The following RUBCNL variants were observed in gnomAD, a reference collection of about 807,000 sequenced individuals.
The protein encoded by RUBCNL is rubicon like autophagy enhancer.
RUBCNL carries 62 observed loss-of-function variants against 69.5 expected under a neutral mutation model. The ratio of observed to expected loss-of-function variants is 0.89; its 90% CI spans 0.73 to 1.10. The LOEUF (loss-of-function observed/expected upper bound fraction) is 1.10, where lower values mean the gene tolerates loss of function less well. RUBCNL is among the 50% of genes least tolerant of loss of function. RUBCNL has a pLI of 0.00. For missense variants in RUBCNL, 768 were observed against 798.1 expected (o/e 0.96, Z 0.45); for synonymous variants, 291 against 303.6 (o/e 0.96, Z 0.43).
intron 14 of RUBCNL, 118 bp downstream of exon 14, chr13:46,344,623 A>G (rs2048204690): frequency 1.4e-6 from 1 of 700,126 alleles, no homozygotes; most frequent in African/African-American, 1.8e-5. Flanking sequence ...TACTTTAAAT[A>G]ACTGTGCTTA....
In RUBCNL at chr13:46,344,974, T is replaced by G. The variant is rs556173190; in HGVS notation, c.1786-143A>C. 3,211 of 622,816 alleles carry G rather than the reference T, an allele frequency of 5.2e-3. 15 individuals are homozygous for G. The highest frequency in any genetic ancestry group is 8.0e-3 in the Non-Finnish European group (2,821 of 353,910). The allele number at this position is 622,816 out of a possible 1,614,324, so 38.6% of individuals were successfully genotyped here. A position where few individuals can be genotyped will look rare whatever the true frequency, so the allele number is the denominator to read the frequency against. ...GGAAAAGGATGTTGTTTTGCAGCAA[T>G]GAATGGGTCAGAATCAAAAAAAAGA... On this transcript the variant is annotated intron_variant, in intron 13 of 14. Coordinates refer to ENST00000429979, the MANE Select transcript of RUBCNL (RefSeq NM_025113.5).
chr13:46,372,060 G>T lies in RUBCNL; in HGVS notation c.416C>A (p.Pro139Gln). Residue 139 changes from proline to glutamine, a missense_variant, in exon 3 of 15, where the codon CCA (proline) becomes CAA (glutamine). By Grantham distance (76) the Pro-to-Gln change is moderately conservative. Coordinates refer to ENST00000429979, the MANE Select transcript of RUBCNL (RefSeq NM_025113.5). ...LSSTEVHMVRPGYSHRVSLPT... is the reference protein window; with the variant it reads ...LSSTEVHMVRQGYSHRVSLPT... The stretch of plus-strand genomic sequence containing the variant: ...CAGAGACACCCGATGAGAGTATCCT[G>T]GGCGGACCATGTGTACCTCTGTTGA... 1 of 1,613,996 alleles carries T rather than the reference G, an allele frequency of 6.2e-7. No homozygotes were observed. Among genetic ancestry groups the T allele is most frequent in the Non-Finnish European group, 8.5e-7 (1 of 1,179,892 alleles).
chr13:46,389,551 T>A (rs1264756334), upstream of RUBCNL, among the ~76,000 whole-genome samples: 1 of 152,196 alleles, frequency 6.6e-6, no homozygotes, highest in Non-Finnish European at 1.5e-5. The surrounding 1 kb of genome is among the most constrained non-coding windows in gnomAD (Gnocchi z 4.2). Context: ...GAGATTAGGA[T>A]ATTTTGGACC....
Position 46,358,136 on chromosome 13 carries a change from C to T in RUBCNL, c.1265+1350G>A, listed in dbSNP as rs577414294. 5.6e-4 allele frequency among the ~76,000 whole-genome samples: 85 copies of T among 152,302 alleles called. 2 individuals carry two copies. The South Asian group carries it at 0.012, about 21-fold the overall frequency. The stretch of plus-strand genomic sequence containing the variant: ...CCAGGCTAAGGAAAGCAACCTCTCA[C>T]GATGCCTAGACAGGGAGTTCTGCCC... On this transcript the variant is annotated intron_variant, in intron 9 of 14. Transcript: ENST00000429979.
chr13:46,383,816 G>A (rs1029558679), intron 1 of RUBCNL, among the ~76,000 whole-genome samples: 2 of 152,214 alleles, frequency 1.3e-5, no homozygotes, highest in Admixed American at 6.5e-5. Context: ...GACACATGGA[G>A]TGAATAATGA....
At chr13:46,369,039 G>GGAT (rs1430273432) in intron 3 of RUBCNL, among the ~76,000 whole-genome samples, 3 of 152,158 alleles carry the variant, frequency 2.0e-5, no homozygotes, top group Non-Finnish European at 4.4e-5. Context: ...GTAACTGGGA[G>GGAT]GTATCCTCAG....
At chr13:46,378,059 T>G in intron 1 of RUBCNL, 54 bp from the exon 2 acceptor site, 1 of 915,562 alleles carries the variant, frequency 1.1e-6, no homozygotes, top group Non-Finnish European at 1.6e-6. Context: ...CCAGGTATGT[T>G]ACTTGTTGCC....
intron 1 of RUBCNL, among the ~76,000 whole-genome samples, chr13:46,381,570 A>C: frequency 6.6e-6 from 1 of 152,088 alleles, no homozygotes; most frequent in Non-Finnish European, 1.5e-5. Flanking sequence ...TGACTTGTAC[A>C]CTTTTTTTCC....
chr13:46,349,222 G>A (rs1048905738), intron 12 of RUBCNL, 64 bp downstream of exon 12: 2 of 1,404,968 alleles, frequency 1.4e-6, no homozygotes, highest in East Asian at 2.3e-5. Context: ...CCAGATGCAG[G>A]AGGCACTAAT....
In RUBCNL at chr13:46,358,418, C is replaced by T. The variant is rs955426407; in HGVS notation, c.1265+1068G>A. On this transcript the variant is annotated intron_variant, in intron 9 of 14. Coordinates refer to ENST00000429979, the MANE Select transcript of RUBCNL (RefSeq NM_025113.5). ...TTGATCATAATCTGTCCTATAGTCT[C>T]GGAACAAATTACAATTAAACTATTA... Among the ~76,000 whole-genome samples the T allele has an allele frequency of 4.6e-5, 7 of 152,150 alleles. No individual in the cohort carries two copies. In the East Asian group the frequency reaches 5.8e-4, roughly 13 times the overall value.
rs1354464846 is a variant in RUBCNL at position 46,336,498 on chromosome 13, TAC to T, written c.*6885_*6886del. ...TTTGAAAATTATTCTAATCCCACTA[TAC>T]AGAGATAATCACCACCACAATATGA... On this transcript the variant is annotated 3_prime_UTR_variant, in exon 15 of 15. Transcript: ENST00000429979. Among the ~76,000 whole-genome samples the T allele has an allele frequency of 1.3e-5, 2 of 152,198 alleles. No homozygotes were observed. The highest frequency in any genetic ancestry group is 2.4e-5 in the African/African-American group (1 of 41,432).
At chr13:46,364,209 C>A (rs1296318358) in intron 5 of RUBCNL, among the ~76,000 whole-genome samples, 1 of 151,906 alleles carries the variant, frequency 6.6e-6, no homozygotes, top group Admixed American at 6.6e-5. Flanking sequence ...GACTGGCCAA[C>A]AAGGTGAAAC....
intron 12 of RUBCNL, 38 bp from the exon 13 acceptor site, chr13:46,345,638 C>A (rs1352587122): frequency 1.2e-6 from 2 of 1,607,322 alleles, no homozygotes; most frequent in Non-Finnish European, 1.7e-6. Flanking sequence ...CAGAAACCCA[C>A]CCACACAGAG....
At chr13:46,362,968 A>ATATATATC (rs2048664920) in intron 6 of RUBCNL, 147 bp downstream of exon 6, 1 of 175,894 alleles carries the variant, frequency 5.7e-6, no homozygotes, top group Non-Finnish European at 1.1e-5. Context: ...ATATATATAT[A>ATATATATC]TATATATCAG....
chr13:46,363,374 T>C (rs1723026350), intron 5 of RUBCNL, among the ~76,000 whole-genome samples, 161 bp from the exon 6 acceptor site: 1 of 152,182 alleles, frequency 6.6e-6, no homozygotes, highest in Non-Finnish European at 1.5e-5. Context: ...GGGAACTATT[T>C]GTGTGTTCTT....
At chr13:46,352,707 G>C (rs2048397069) in intron 10 of RUBCNL, among the ~76,000 whole-genome samples, 1 of 152,220 alleles carries the variant, frequency 6.6e-6, no homozygotes, top group Non-Finnish European at 1.5e-5. Flanking sequence ...GGGAGGCTGA[G>C]GCAGGAGAAT....
chr13:46,350,081 A>G (rs368738368), intron 11 of RUBCNL, 32 bp downstream of exon 11: 4 of 1,478,354 alleles, frequency 2.7e-6, no homozygotes, highest in Non-Finnish European at 2.8e-6. Flanking sequence ...GACACTTCCA[A>G]TGAGAGGGAT....
At position 46,343,316 on chromosome 13, in the gene RUBCNL, C is replaced by T. The variant is rs1201911772; in HGVS notation, c.*69G>A. On this transcript the variant is annotated 3_prime_UTR_variant, in exon 15 of 15. Transcript: ENST00000429979. The stretch of plus-strand genomic sequence containing the variant: ...TACCCAATATCTAAAACAATGTCAC[C>T]AATAATAGACACAAATCGGTGTTAT... The T allele has an allele frequency of 1.3e-6, 2 of 1,567,050 alleles. No individual in the cohort carries two copies.
In RUBCNL at chr13:46,336,073, A is replaced by AGGGGAGAAATCACAAATGTCATG. The variant is rs1327360646; in HGVS notation, c.*7289_*7311dup. Among the ~76,000 whole-genome samples, 1 of 152,232 alleles carries AGGGGAGAAATCACAAATGTCATG rather than the reference A, an allele frequency of 6.6e-6. No homozygotes were observed. The highest frequency in any genetic ancestry group is 1.5e-5 in the Non-Finnish European group (1 of 68,026). ...AAAAGAGACCACTGTCTACAGAGGA[A>AGGGGAGAAATCACAAATGTCATG]GGGGAGAAATCACAAATGTCATGAT... On this transcript the variant is annotated 3_prime_UTR_variant, in exon 15 of 15. Transcript: ENST00000429979.
Sources: allele counts gnomAD v4.1 joint callset (sites outside exome capture counted in the v4.1 genomes callset), GRCh38; gene constraint gnomAD v4.1.1; non-coding constraint Gnocchi (gnomAD v3.1); transcripts MANE v1.5; gene names NCBI Gene and HGNC (gene_info 2026-07-23, HGNC 2026-07-21).